CCL25: variants seen among roughly 807,000 people sequenced by gnomAD.
The protein encoded by CCL25 is C-C motif chemokine ligand 25.
Under a neutral mutation model 19.9 loss-of-function variants are expected in CCL25, and 14 were observed. That is an observed-to-expected ratio of 0.70 (90% confidence interval 0.47 to 1.10). The LOEUF (loss-of-function observed/expected upper bound fraction) is 1.10, where lower values mean the gene tolerates loss of function less well. CCL25 is among the 50% of genes least tolerant of loss of function. The probability of loss-of-function intolerance (pLI) is 0.00; values close to 1 mark genes in which losing one functional copy is unlikely to be tolerated. For missense variants in CCL25, 151 were observed against 181.2 expected (o/e 0.83, Z 0.96); for synonymous variants, 68 against 73.2 (o/e 0.93, Z 0.36).
At chr19:8,057,187 T>G (rs1376655100) in intron 4 of CCL25, among the ~76,000 whole-genome samples, 2 of 151,890 alleles carry the variant, frequency 1.3e-5, no homozygotes, top group African/African-American at 2.4e-5. Flanking sequence ...GCCTGGCTAA[T>G]TTTTGTATTT....
intron 4 of CCL25, among the ~76,000 whole-genome samples, 183 bp from the exon 5 acceptor site, chr19:8,057,618 C>T (rs1354996853): frequency 6.6e-6 from 1 of 152,170 alleles, no homozygotes; most frequent in African/African-American, 2.4e-5. Context: ...AGGCATGAGC[C>T]ACTGCACCCA....
chr19:8,060,531 T>C (rs1426695689), intron 5 of CCL25, among the ~76,000 whole-genome samples: 5 of 152,026 alleles, frequency 3.3e-5, no homozygotes, highest in Non-Finnish European at 7.4e-5. Flanking sequence ...GGCTTTCTTT[T>C]TTTCAGAGAT....
At chr19:8,053,180 C>G (rs1002197853) in intron 2 of CCL25, 58 bp downstream of exon 2, 4 of 1,105,660 alleles carry the variant, frequency 3.6e-6, no homozygotes, top group Non-Finnish European at 3.9e-6. Flanking sequence ...CCCCACCCCA[C>G]CCCTTTTGTC....
rs577688772 is a variant in CCL25, at chr19:8,057,734, C to T, written c.326-67C>T. The T allele has an allele frequency of 2.3e-4, 348 of 1,526,432 alleles. 1 individual carries two copies. The Middle Eastern group carries it at 5.1e-3, about 22-fold the overall frequency. 94.6% of individuals were successfully genotyped at this position (1,526,432 alleles called of 1,614,324 possible). A position where few individuals can be genotyped will look rare whatever the true frequency, so the allele number is the denominator to read the frequency against. On this transcript the variant is annotated intron_variant, in intron 4 of 5. Coordinates refer to ENST00000315626, the MANE Select transcript of CCL25 (RefSeq NM_005624.4). ...AATAACCAGTCAACAGCTTCAGGCT[C>T]AGCTGGATCCAGGAGCTCAAAGGAT... is the stretch of plus-strand genomic sequence containing the variant.
rs374267372 is a variant in CCL25, at chr19:8,056,486, G to A, written c.312G>A (p.Thr104=). Residue 104 remains threonine, a synonymous_variant, in exon 4 of 6, where the codon ACG becomes ACA. Coordinates refer to ENST00000315626, the MANE Select transcript of CCL25 (RefSeq NM_005624.4). Reference sequence around the variant, plus strand: ...TTTTTGCAAAGCTCCACCACAACACGCAGACCTTCCAAGGTGGGCAAGACC... The same window carrying A: ...TTTTTGCAAAGCTCCACCACAACACACAGACCTTCCAAGGTGGGCAAGACC... ...NKVFAKLHHN[T]QTFQAGPHAV... 8.7e-6 allele frequency: 14 copies of A among 1,613,962 alleles called. No homozygotes were observed. The highest frequency in any genetic ancestry group is 4.5e-5 in the East Asian group (2 of 44,904).
chr19:8,056,280 C>A lies in CCL25; in HGVS notation c.191+11C>A. On this transcript the variant is annotated intron_variant, in intron 3 of 5. Transcript: ENST00000315626. ...TCTGCCTGCTGCGATGTGAGTGGGG[C>A]CGTGGGGGCTGGGGGGGTGGGGTGC... 1 of 739,678 alleles carries A rather than the reference C, an allele frequency of 1.4e-6. No homozygotes were observed. The highest frequency in any genetic ancestry group is 2.1e-6 in the Non-Finnish European group (1 of 470,714). 45.8% of individuals were successfully genotyped at this position (739,678 alleles called of 1,614,324 possible). A position where few individuals can be genotyped will look rare whatever the true frequency, so the allele number is the denominator to read the frequency against.
chr19:8,059,880 G>A (rs2081306018), intron 5 of CCL25, among the ~76,000 whole-genome samples: 1 of 151,888 alleles, frequency 6.6e-6, no homozygotes. Context: ...ACGAGGTCAG[G>A]AGATCGAGAC....
At chr19:8,062,046 CAAAAAAA>C (rs34907151) in intron 5 of CCL25, among the ~76,000 whole-genome samples, 165 bp from the exon 6 acceptor site, 17 of 60,544 alleles carry the variant, frequency 2.8e-4, no homozygotes, top group Non-Finnish European at 4.0e-4. Flanking sequence ...GAGACTGTCT[CAAAAAAA>C]AAAAAAAAAA....
rs549971506 is a variant in CCL25, at chr19:8,057,476, C to T, written c.326-325C>T. On this transcript the variant is annotated intron_variant, in intron 4 of 5. Coordinates refer to ENST00000315626, the MANE Select transcript of CCL25 (RefSeq NM_005624.4). ...TCCCAAGTAGCTGGGATTACAGGCA[C>T]ACACCACCATGCCTGGGTAATTTTT... Among the ~76,000 whole-genome samples, 8 of 152,078 alleles carry T rather than the reference C, an allele frequency of 5.3e-5. No homozygotes were observed. In the South Asian group the frequency reaches 1.7e-3, roughly 32 times the overall value.
chr19:8,059,715 T>C (rs1329612385), intron 5 of CCL25, among the ~76,000 whole-genome samples: 1 of 152,108 alleles, frequency 6.6e-6, no homozygotes, highest in Non-Finnish European at 1.5e-5. Context: ...CATTTTATTG[T>C]AAAAGATTAC....
Position 8,053,091 on chromosome 19 carries a change from G to A in CCL25, c.42G>A (p.Leu14=), listed in dbSNP as rs1280354622. Residue 14 remains leucine (L), a synonymous_variant, in exon 2 of 6, where the codon CTG becomes CTA. Transcript: ENST00000315626. ...WLLACLVAGF[L]GAWAPAVHTQ... ...TGGCCTGCCTGGTGGCCGGCTTCCT[G>A]GGAGCCTGGGCCCCCGCTGTCCACA... The A allele has an allele frequency of 6.4e-7, 1 of 1,556,688 alleles. No homozygotes were observed. Among genetic ancestry groups the A allele is most frequent in the South Asian group, 1.2e-5 (1 of 84,388 alleles).
intron 2 of CCL25, among the ~76,000 whole-genome samples, chr19:8,053,459 G>A (rs896095861): frequency 6.6e-6 from 1 of 152,052 alleles, no homozygotes; most frequent in East Asian, 1.9e-4. Context: ...GGGTGGGGTT[G>A]GAGATCAGGG....
intron 5 of CCL25, among the ~76,000 whole-genome samples, chr19:8,059,160 A>AAT (rs1465666668): frequency 2.4e-4 from 8 of 33,274 alleles, no homozygotes; most frequent in South Asian, 2.3e-3. Context: ...TAATATATAT[A>AAT]ATATATAATA....
chr19:8,055,070 C>A (rs1007563187), intron 2 of CCL25, among the ~76,000 whole-genome samples: 2 of 151,170 alleles, frequency 1.3e-5, no homozygotes, highest in Admixed American at 6.6e-5. Flanking sequence ...GCGGGTGGAT[C>A]ACAAGGTCAA....
In CCL25 at chr19:8,056,211, C is replaced by A; in HGVS notation, c.133C>A (p.Arg45Ser). The change falls in exon 3 of 6, where the codon CGC (arginine) becomes AGC (serine). Residue 45 changes from arginine to serine, a missense_variant. Arg to Ser is a moderately radical substitution (Grantham distance 110). Transcript: ENST00000315626. ...CCCCATTGGGTGGGCTGTGCTCCGG[C>A]GCGCCTGGACTTACCGGATCCAGGA... ...HYPIGWAVLRRAWTYRIQEVS... is the reference protein window; with the variant it reads ...HYPIGWAVLRSAWTYRIQEVS... 1.3e-6 allele frequency: 2 copies of A among 1,567,426 alleles called. No individual in the cohort carries two copies. Among genetic ancestry groups the A allele is most frequent in the Non-Finnish European group, 1.7e-6 (2 of 1,156,274 alleles).
intron 5 of CCL25, among the ~76,000 whole-genome samples, chr19:8,058,595 AAAT>A (rs1463894686): frequency 7.7e-6 from 1 of 129,978 alleles, no homozygotes; most frequent in African/African-American, 2.9e-5. Context: ...TATAATATAT[AAAT>A]AATATATAAT....
Position 8,056,202 on chromosome 19 carries a change from G to A in CCL25, c.124G>A (p.Val42Met). The A allele has an allele frequency of 6.4e-7, 1 of 1,567,166 alleles. No homozygotes were observed. ...LAYHYPIGWAVLRRAWTYRIQ... is the reference protein window; with the variant it reads ...LAYHYPIGWAMLRRAWTYRIQ... ...CTACCACTACCCCATTGGGTGGGCT[G>A]TGCTCCGGCGCGCCTGGACTTACCG... Residue 42 changes from valine to methionine, a missense_variant, in exon 3 of 6, where the codon GTG becomes ATG. Transcript: ENST00000315626.
At chr19:8,053,781 T>G (rs776292870) in intron 2 of CCL25, among the ~76,000 whole-genome samples, 1 of 152,050 alleles carries the variant, frequency 6.6e-6, no homozygotes, top group Non-Finnish European at 1.5e-5. Flanking sequence ...TCTCCTGATC[T>G]CAGGCGATCC....
intron 2 of CCL25, 97 bp from the exon 3 acceptor site, chr19:8,056,055 G>T: frequency 1.3e-6 from 1 of 797,624 alleles, no homozygotes; most frequent in South Asian, 1.8e-5. Context: ...GTTGTGGTAT[G>T]AGCAGACAGG....
Sources: gnomAD v4.1 joint callset for allele counts (sites outside exome capture counted in the v4.1 genomes callset) on GRCh38, gnomAD v4.1.1 for gene constraint, MANE v1.5 for transcripts, NCBI Gene and HGNC (gene_info 2026-07-23, HGNC 2026-07-21) for gene names.